TENM4: variants seen among roughly 807,000 people sequenced by gnomAD.
The protein encoded by TENM4 is teneurin-4.
Under a neutral mutation model 243.3 loss-of-function variants are expected in TENM4, and 82 were observed. The ratio of observed to expected loss-of-function variants is 0.34; its 90% CI spans 0.28 to 0.40. The LOEUF (loss-of-function observed/expected upper bound fraction) is 0.40, where lower values mean the gene tolerates loss of function less well. Among genes scored for constraint, TENM4 ranks in the 10% least tolerant of loss-of-function variants. The pLI, the probability that TENM4 is intolerant of heterozygous loss-of-function variation, is 1.00. For missense variants in TENM4, 3,138 were observed against 3,673.3 expected (o/e 0.85, Z 3.77); for synonymous variants, 1,412 against 1,456.3 (o/e 0.97, Z 0.69).
chr11:78,691,499 T>C (rs1034114925), intron 28 of TENM4, among the ~76,000 whole-genome samples: 8 of 152,230 alleles, frequency 5.3e-5, no homozygotes, highest in African/African-American at 1.9e-4. Flanking sequence ...AAACACTTGC[T>C]GAATGCCAAA....
In TENM4 at chr11:78,805,468, G is replaced by A. The variant is rs200271895; in HGVS notation, c.2003C>T (p.Ser668Leu). 1.4e-4 allele frequency: 226 copies of A among 1,586,430 alleles called. 1 individual carries two copies. The African/African-American group carries it at 1.6e-3, about 11-fold the overall frequency. The change falls in exon 15 of 34, where the codon TCA (serine) becomes TTA (leucine). Residue 668 changes from serine to leucine, a missense_variant. Ser to Leu is a moderately radical substitution (Grantham distance 145). Around this residue, in one of 2 missense-constraint regions of TENM4, gnomAD observed 2,467 missense variants for 3,059.1 expected, o/e 0.81. Coordinates refer to ENST00000278550, the MANE Select transcript of TENM4 (RefSeq NM_001098816.3). ...GCCTCTCACGCAGACACCCCGGCCTGAACATGTGGGGTCCATGCAGTCCAC... is the reference window on the plus strand; with the variant it reads ...GCCTCTCACGCAGACACCCCGGCCTAAACATGTGGGGTCCATGCAGTCCAC... ...EEVDCMDPTC[S>L]GRGVCVRGEC...
rs571947892 is a variant in TENM4, at chr11:78,804,461, G to A, written c.2179+831C>T. Reference sequence around the variant, plus strand: ...GACAGCTTTCTTGTAGGGTTTTTGTGCAGATTAAATGAGAGATGAGACGTG... The same window carrying A: ...GACAGCTTTCTTGTAGGGTTTTTGTACAGATTAAATGAGAGATGAGACGTG... On this transcript the variant is annotated intron_variant, in intron 15 of 33. Transcript: ENST00000278550. Among the ~76,000 whole-genome samples, 9 of 152,284 alleles carry A rather than the reference G, an allele frequency of 5.9e-5. No individual in the cohort carries two copies. In the South Asian group the frequency reaches 1.9e-3, roughly 32 times the overall value.
chr11:78,698,074 T>C (rs924119241), intron 28 of TENM4, among the ~76,000 whole-genome samples: 2 of 152,142 alleles, frequency 1.3e-5, no homozygotes, highest in African/African-American at 4.8e-5. Context: ...GGTGTACTAT[T>C]TAATCTTTTA....
rs1208723267 is a variant in TENM4 at position 79,164,243 on chromosome 11, A to ATAGTATATATAGTATATAGATATAC, written c.-162-15462_-162-15438dup. 2.9e-3 allele frequency among the ~76,000 whole-genome samples: 150 copies of ATAGTATATATAGTATATAGATATAC among 50,974 alleles called. 11 individuals carry two copies. Among genetic ancestry groups the ATAGTATATATAGTATATAGATATAC allele is most frequent in the African/African-American group, 9.4e-3 (137 of 14,588 alleles). The allele number at this position is 50,974 out of a possible 152,430, so 33.4% of individuals were successfully genotyped here. On this transcript the variant is annotated intron_variant, in intron 3 of 33. Coordinates refer to ENST00000278550, the MANE Select transcript of TENM4 (RefSeq NM_001098816.3). ...GTATACTATACTATATACAGTATAT[A>ATAGTATATATAGTATATAGATATAC]TAGTATATATAGTATATAGATATAC... is the stretch of plus-strand genomic sequence containing the variant.
chr11:79,066,744 A>ACGCACATG (rs1401622966), intron 5 of TENM4, among the ~76,000 whole-genome samples: 1 of 150,096 alleles, frequency 6.7e-6, no homozygotes, highest in Non-Finnish European at 1.5e-5. Context: ...ACGCACATGC[A>ACGCACATG]CACACGCACG....
intron 2 of TENM4, among the ~76,000 whole-genome samples, chr11:79,251,582 A>C (rs1048660630): frequency 3.3e-5 from 5 of 152,224 alleles, no homozygotes; most frequent in Non-Finnish European, 7.3e-5. Flanking sequence ...ACAATATCAC[A>C]AACTACATCA....
At chr11:79,336,074 T>C (rs1400885036) in intron 1 of TENM4, among the ~76,000 whole-genome samples, 2 of 132,456 alleles carry the variant, frequency 1.5e-5, no homozygotes, top group East Asian at 1.9e-4. Context: ...GGGACTTGAA[T>C]CCAGGCCTGA....
intron 1 of TENM4, among the ~76,000 whole-genome samples, chr11:79,412,214 C>A (rs1279647487): frequency 6.6e-6 from 1 of 152,218 alleles, no homozygotes; most frequent in Non-Finnish European, 1.5e-5. Context: ...TCTCAAGAAG[C>A]ATCCGCATCA....
chr11:79,163,070 A>G (rs1565230139), intron 3 of TENM4, among the ~76,000 whole-genome samples: 4 of 152,162 alleles, frequency 2.6e-5, no homozygotes, highest in African/African-American at 7.2e-5. Flanking sequence ...CAGCATGTTT[A>G]ATGTAGAGAA....
At chr11:78,881,502 C>G (rs926097962) in intron 9 of TENM4, among the ~76,000 whole-genome samples, 1 of 152,190 alleles carries the variant, frequency 6.6e-6, no homozygotes, top group Non-Finnish European at 1.5e-5. Context: ...TCTCCAGGTT[C>G]TAGTAACCCC....
At chr11:78,960,170 T>A (rs1473730552) in intron 6 of TENM4, among the ~76,000 whole-genome samples, 3 of 152,024 alleles carry the variant, frequency 2.0e-5, no homozygotes, top group African/African-American at 7.3e-5. Flanking sequence ...GGTTCCTGTG[T>A]TTCTGTGCAT....
intron 18 of TENM4, among the ~76,000 whole-genome samples, chr11:78,763,777 C>T (rs1000091273): frequency 2.0e-5 from 3 of 152,228 alleles, no homozygotes; most frequent in Admixed American, 6.5e-5. Context: ...AACCAGGATA[C>T]TAGGCTCTGC....
At chr11:79,013,616 G>T (rs1858703654) in intron 6 of TENM4, among the ~76,000 whole-genome samples, 1 of 152,222 alleles carries the variant, frequency 6.6e-6, no homozygotes, top group African/African-American at 2.4e-5. Context: ...TAGAGCTCCT[G>T]GAAGGCTGGA....
At chr11:78,816,593 A>G (rs1310820676) in intron 12 of TENM4, among the ~76,000 whole-genome samples, 1 of 152,160 alleles carries the variant, frequency 6.6e-6, no homozygotes, top group Non-Finnish European at 1.5e-5. Flanking sequence ...CAATGATCTC[A>G]TCTGATACAG....
At chr11:79,202,997 C>G (rs12417979) in intron 3 of TENM4, among the ~76,000 whole-genome samples, 22,407 of 152,130 alleles carry the variant, frequency 0.15, 3,367 homozygotes, top group East Asian at 0.42. Context: ...TCATTTTACA[C>G]AGGAAGAAAA....
At chr11:79,047,037 T>C (rs866721552) in intron 6 of TENM4, among the ~76,000 whole-genome samples, 4 of 152,168 alleles carry the variant, frequency 2.6e-5, no homozygotes, top group Non-Finnish European at 5.9e-5. Context: ...TACACAGAGA[T>C]AGATAAACCA....
Position 78,670,519 on chromosome 11 carries a change from C to T in TENM4, c.5826G>A (p.Gln1942=), listed in dbSNP as rs1244346966. 6.2e-7 allele frequency: 1 copy of T among 1,611,240 alleles called. No individual in the cohort carries two copies. The highest frequency in any genetic ancestry group is 1.7e-5 in the Admixed American group (1 of 59,892). Residue 1942 remains glutamine (Q), a synonymous_variant, in exon 32 of 34, where the codon CAG becomes CAA. Transcript: ENST00000278550. The part of the protein sequence containing the change: ...SMVLLLHSQR[Q]YIFEFDKNDR... ...CATTCTTGTCGAACTCAAAGATATACTGCCTCTGGCTGTGTAGTAGCAGCA... is the reference window on the plus strand; with the variant it reads ...CATTCTTGTCGAACTCAAAGATATATTGCCTCTGGCTGTGTAGTAGCAGCA...
At chr11:79,427,465 C>A (rs1018695073) in intron 1 of TENM4, among the ~76,000 whole-genome samples, 1 of 152,064 alleles carries the variant, frequency 6.6e-6, no homozygotes, top group Non-Finnish European at 1.5e-5. Flanking sequence ...AACGGGGAAA[C>A]GATCGTGATA....
chr11:78,871,460 A>G (rs1182309421), intron 9 of TENM4, among the ~76,000 whole-genome samples: 2 of 152,122 alleles, frequency 1.3e-5, no homozygotes, highest in African/African-American at 4.8e-5. Context: ...GGACATTGCT[A>G]TGACTGACAT....
Sources: allele counts gnomAD v4.1 joint callset (sites outside exome capture counted in the v4.1 genomes callset), GRCh38; gene constraint gnomAD v4.1.1; regional missense constraint gnomAD v4.1.1; transcripts MANE v1.5; gene names NCBI Gene and HGNC (gene_info 2026-07-23, HGNC 2026-07-21).